The following RUFY3 variants were observed in gnomAD, a reference collection of about 807,000 sequenced individuals.
RUFY3 encodes the protein protein RUFY3.
Under a neutral mutation model 84.0 loss-of-function variants are expected in RUFY3, and 34 were observed. The observed-to-expected ratio is 0.40, with a 90% CI of 0.31 to 0.54. The LOEUF is 0.54. Ranked by LOEUF, RUFY3 falls within the 20% of genes least tolerant of loss-of-function variation. The pLI, the probability that RUFY3 is intolerant of heterozygous loss-of-function variation, is 0.39. For synonymous variants in RUFY3, 242 were observed against 252.9 expected, an observed-to-expected ratio of 0.96 and a Z score of 0.41; for missense variants, 507 against 736.8, an observed-to-expected ratio of 0.69 and a Z score of 3.61.
intron 1 of RUFY3, among the ~76,000 whole-genome samples, chr4:70,716,526 A>G (rs1024942381): frequency 1.3e-4 from 20 of 152,172 alleles, no homozygotes; most frequent in African/African-American, 4.3e-4. Flanking sequence ...TATGCACACT[A>G]CGGTTTGGAT....
Position 70,788,842 on chromosome 4 carries a change from A to T in RUFY3, c.1108A>T (p.Arg370Trp). Residue 370 changes from arginine to tryptophan, a missense_variant, in exon 11 of 18, where the codon AGG (arginine) becomes TGG (tryptophan). Around this residue, in one of 4 missense-constraint regions of RUFY3, gnomAD observed 334 missense variants for 364.1 expected, o/e 0.92. Transcript: ENST00000381006. ...EKELEMQISM[R>W]QEMELAMKML... ...AGAACTGGAGATGCAGATCAGCATG[A>T]GGCAGGAGATGGAATTGGCTATGAA... 1 of 1,614,070 alleles carries T rather than the reference A, an allele frequency of 6.2e-7. No individual in the cohort carries two copies. Among genetic ancestry groups the T allele is most frequent in the Non-Finnish European group, 8.5e-7 (1 of 1,179,968 alleles).
upstream of RUFY3, among the ~76,000 whole-genome samples, chr4:70,718,204 C>T (rs1273260302): frequency 6.6e-6 from 1 of 152,070 alleles, no homozygotes; most frequent in Non-Finnish European, 1.5e-5. Flanking sequence ...ATTTGTAAAG[C>T]ACCTAACAGA....
At chr4:70,758,055 C>A (rs1413479288) in intron 1 of RUFY3, among the ~76,000 whole-genome samples, 2 of 152,000 alleles carry the variant, frequency 1.3e-5, no homozygotes, top group African/African-American at 4.8e-5. Context: ...GTTAAAAGTA[C>A]AAAATACACA....
At chr4:70,789,027 C>T (rs1730372547) in intron 11 of RUFY3, 54 bp downstream of exon 11, 3 of 1,583,662 alleles carry the variant, frequency 1.9e-6, no homozygotes, top group South Asian at 2.3e-5. Context: ...CTGGGGCTTC[C>T]CTCCTCCCAT....
chr4:70,726,517 G>A (rs563156526), intron 1 of RUFY3, among the ~76,000 whole-genome samples: 2 of 152,262 alleles, frequency 1.3e-5, no homozygotes, highest in East Asian at 3.9e-4. Flanking sequence ...GGGATTACAG[G>A]CATGCGCCAC....
intron 3 of RUFY3, 23 bp from the exon 4 acceptor site, chr4:70,764,452 G>C (rs765262718): frequency 2.0e-6 from 3 of 1,518,604 alleles, no homozygotes; most frequent in Non-Finnish European, 2.7e-6. Flanking sequence ...GTTTTCAGTT[G>C]TTTGATTTCT....
intron 10 of RUFY3, among the ~76,000 whole-genome samples, chr4:70,785,454 G>T (rs572892108): frequency 6.6e-6 from 1 of 152,228 alleles, no homozygotes; most frequent in African/African-American, 2.4e-5. Flanking sequence ...TGACAAGGAT[G>T]TAGAGAAAGA....
intron 12 of RUFY3, chr4:70,792,451 A>G (rs1273603644): frequency 1.0e-6 from 1 of 985,088 alleles, no homozygotes; most frequent in African/African-American, 1.7e-5. Flanking sequence ...TTTCTAAGTG[A>G]CCACAGACTA....
chr4:70,804,660 G>A (rs1157706224), intron 17 of RUFY3, among the ~76,000 whole-genome samples: 1 of 151,108 alleles, frequency 6.6e-6, no homozygotes, highest in Non-Finnish European at 1.5e-5. Flanking sequence ...ACTCACGCCT[G>A]TAATCCCAGC....
At chr4:70,740,311 G>A (rs1400502762) in intron 1 of RUFY3, among the ~76,000 whole-genome samples, 1 of 152,122 alleles carries the variant, frequency 6.6e-6, no homozygotes, top group East Asian at 1.9e-4. Flanking sequence ...TTTAATCTCT[G>A]TTTTAAGAAG....
intron 11 of RUFY3, among the ~76,000 whole-genome samples, 198 bp downstream of exon 11, chr4:70,789,171 A>G (rs1210942338): frequency 6.6e-6 from 1 of 152,174 alleles, no homozygotes; most frequent in Non-Finnish European, 1.5e-5. Flanking sequence ...AACCATGGCC[A>G]CTTTTCACAT....
At chr4:70,804,761 CA>C (rs1186156048) in intron 17 of RUFY3, among the ~76,000 whole-genome samples, 17,729 of 76,938 alleles carry the variant, frequency 0.23, 1,055 homozygotes, top group Non-Finnish European at 0.28. Context: ...ACTAAAAATA[CA>C]AAAAAAAAAA....
rs1484414101 is a variant in RUFY3 at position 70,807,553 on chromosome 4, C to T, written c.*894C>T. ...TTTGTTTTCTTAAGACAGGGTCTTG[C>T]TCTGTTGCACAAGCTGGAGGGCAGT... On this transcript the variant is annotated 3_prime_UTR_variant, in exon 18 of 18. Transcript: ENST00000381006. Among the ~76,000 whole-genome samples, 1 of 152,098 alleles carries T rather than the reference C, an allele frequency of 6.6e-6. No individual in the cohort carries two copies. Among genetic ancestry groups the T allele is most frequent in the Non-Finnish European group, 1.5e-5 (1 of 68,018 alleles).
At chr4:70,800,935 T>C (rs79292802) in intron 15 of RUFY3, among the ~76,000 whole-genome samples, 3,800 of 152,282 alleles carry the variant, frequency 0.025, 170 homozygotes, top group African/African-American at 0.085. Flanking sequence ...GTCTCATCTC[T>C]CATTTTTCCT....
At chr4:70,716,363 C>G (rs1741616483) in intron 1 of RUFY3, among the ~76,000 whole-genome samples, 1 of 151,866 alleles carries the variant, frequency 6.6e-6, no homozygotes, top group Non-Finnish European at 1.5e-5. Flanking sequence ...CCAGGCAGGA[C>G]TTGATCTCCT....
At chr4:70,741,541 G>T in intron 1 of RUFY3, 1 of 1,150,022 alleles carries the variant, frequency 8.7e-7, no homozygotes, top group Non-Finnish European at 1.2e-6. Context: ...TTATCCCTTT[G>T]GAAATCTTGT....
chr4:70,733,946 G>A (rs1168311332), intron 1 of RUFY3, among the ~76,000 whole-genome samples: 7 of 151,902 alleles, frequency 4.6e-5, no homozygotes, highest in African/African-American at 1.7e-4. Flanking sequence ...GAAAATTAAC[G>A]GGTGTGCAAT....
At chr4:70,739,346 A>G (rs1720927894) in intron 1 of RUFY3, among the ~76,000 whole-genome samples, 1 of 152,138 alleles carries the variant, frequency 6.6e-6, no homozygotes, top group African/African-American at 2.4e-5. Flanking sequence ...ATTGTCTTTG[A>G]ATAATTACGG....
intron 1 of RUFY3, among the ~76,000 whole-genome samples, chr4:70,723,110 A>G (rs1717640779): frequency 6.6e-6 from 1 of 152,208 alleles, no homozygotes; most frequent in African/African-American, 2.4e-5. Flanking sequence ...GTAGTGATTT[A>G]TAACACTAAG....
Sources: allele counts gnomAD v4.1 joint callset (sites outside exome capture counted in the v4.1 genomes callset), GRCh38; gene constraint gnomAD v4.1.1; regional missense constraint gnomAD v4.1.1; transcripts MANE v1.5; gene names NCBI Gene and HGNC (gene_info 2026-07-23, HGNC 2026-07-21).